The following MACROD2 variants were observed in gnomAD, a reference collection of about 807,000 sequenced individuals.
MACROD2 encodes mono-ADP ribosylhydrolase 2.
Under a neutral mutation model 70.4 loss-of-function variants are expected in MACROD2, and 36 were observed. That is an observed-to-expected ratio of 0.51 (90% CI 0.39 to 0.68). The LOEUF (loss-of-function observed/expected upper bound fraction) is 0.68, where lower values mean the gene tolerates loss of function less well. MACROD2 is among the 30% of genes least tolerant of loss of function. The pLI is 0.00. For synonymous variants in MACROD2, 172 were observed against 178.8 expected (o/e 0.96, Z 0.30); for missense variants, 496 against 538.4 (o/e 0.92, Z 0.78).
At chr20:15,725,098 A>G (rs922786616) in intron 8 of MACROD2, among the ~76,000 whole-genome samples, 8 of 152,046 alleles carry the variant, frequency 5.3e-5, no homozygotes, top group African/African-American at 7.2e-5. Context: ...CAAACAAACA[A>G]CAACAAAAAA....
At chr20:15,365,819 C>G (rs1875205243) in intron 6 of MACROD2, among the ~76,000 whole-genome samples, 1 of 151,822 alleles carries the variant, frequency 6.6e-6, no homozygotes, top group African/African-American at 2.4e-5. Flanking sequence ...AAAATTTAAC[C>G]TGATTGCAGT....
intron 5 of MACROD2, among the ~76,000 whole-genome samples, chr20:14,993,264 A>G (rs904686044): frequency 6.9e-6 from 1 of 145,184 alleles, no homozygotes; most frequent in Non-Finnish European, 1.5e-5. Flanking sequence ...TGCTATGGTT[A>G]CTTTTTTTTT....
intron 3 of MACROD2, among the ~76,000 whole-genome samples, chr20:14,336,431 A>C (rs1289412125): frequency 1.3e-5 from 2 of 152,170 alleles, no homozygotes; most frequent in Non-Finnish European, 2.9e-5. Context: ...ACCTATATGC[A>C]ACCATTTTGT....
At chr20:15,747,441 C>T (rs1336589048) in intron 8 of MACROD2, among the ~76,000 whole-genome samples, 6 of 152,080 alleles carry the variant, frequency 3.9e-5, no homozygotes, top group African/African-American at 7.2e-5. Context: ...CAGGCAGTAT[C>T]GAGAGTCCTT....
rs73098225 is a variant in MACROD2, at chr20:15,523,131, C to T, written c.645+23284C>T. The stretch of plus-strand genomic sequence containing the variant: ...ACCAGCCATCTATGGCAGTCTCTGA[C>T]GAAGCCTTAAGCACCCTTTAAAGAG... On this transcript the variant is annotated intron_variant, in intron 8 of 17. Coordinates refer to ENST00000684519, the MANE Select transcript of MACROD2 (RefSeq NM_001351661.2). 2.9e-3 allele frequency among the ~76,000 whole-genome samples: 444 copies of T among 152,156 alleles called. 2 individuals carry two copies. The highest frequency in any genetic ancestry group is 4.8e-3 in the Admixed American group (74 of 15,260).
At chr20:15,255,976 T>A (rs1171606357) in intron 6 of MACROD2, among the ~76,000 whole-genome samples, 1 of 152,102 alleles carries the variant, frequency 6.6e-6, no homozygotes, top group Non-Finnish European at 1.5e-5. Flanking sequence ...GCTTGTGACA[T>A]CCATTTTTAA....
chr20:15,712,892 A>G (rs989310842), intron 8 of MACROD2, among the ~76,000 whole-genome samples: 1 of 152,200 alleles, frequency 6.6e-6, no homozygotes, highest in Non-Finnish European at 1.5e-5. Context: ...AGCCCTGGAG[A>G]GGCTGAATGA....
chr20:14,007,946 ATTATC>A (rs2052845509), intron 2 of MACROD2, among the ~76,000 whole-genome samples: 1 of 152,218 alleles, frequency 6.6e-6, no homozygotes, highest in Non-Finnish European at 1.5e-5. Context: ...AAATTATAAA[ATTATC>A]TTATACTCAA....
At chr20:15,272,263 A>G (rs561385518) in intron 6 of MACROD2, among the ~76,000 whole-genome samples, 1 of 152,332 alleles carries the variant, frequency 6.6e-6, no homozygotes, top group East Asian at 1.9e-4. Flanking sequence ...TTAGCATTTT[A>G]TGATTCTTTG....
chr20:14,508,025 A>G (rs624483), intron 4 of MACROD2, among the ~76,000 whole-genome samples: 27,614 of 152,172 alleles, frequency 0.18, 2,799 homozygotes, highest in South Asian at 0.36. Context: ...AAGCCTGGGA[A>G]AGAAGAGGCA....
intron 5 of MACROD2, among the ~76,000 whole-genome samples, chr20:14,722,281 T>C (rs1284539581): frequency 6.6e-6 from 1 of 152,184 alleles, no homozygotes; most frequent in Admixed American, 6.5e-5. Flanking sequence ...TGGGGAAATA[T>C]AGTCCACTCC....
chr20:14,856,456 G>A (rs1371693583), intron 5 of MACROD2, among the ~76,000 whole-genome samples: 6 of 152,024 alleles, frequency 3.9e-5, no homozygotes, highest in East Asian at 1.9e-4. Context: ...ACACAAACAC[G>A]CCCTATTGAA....
rs532071698 is a variant in MACROD2, at chr20:14,147,028, C to T, written c.271+61300C>T. Among the ~76,000 whole-genome samples, 7 of 152,182 alleles carry T rather than the reference C, an allele frequency of 4.6e-5. No individual in the cohort carries two copies. In the South Asian group the frequency reaches 1.5e-3, roughly 32 times the overall value. On this transcript the variant is annotated intron_variant, in intron 3 of 17. Coordinates refer to ENST00000684519, the MANE Select transcript of MACROD2 (RefSeq NM_001351661.2). ...GTGAGAGTATCTCCAGTCAGCTTTT[C>T]CTGTAGTATGGTGAGTGGTAAAAGG...
intron 15 of MACROD2, among the ~76,000 whole-genome samples, chr20:16,002,042 TTA>T (rs933156808): frequency 2.4e-3 from 208 of 86,010 alleles, no homozygotes; most frequent in African/African-American, 5.0e-3. Flanking sequence ...ATAATGTGTC[TTA>T]TATATATATA....
intron 2 of MACROD2, among the ~76,000 whole-genome samples, chr20:14,009,099 A>G (rs1454660180): frequency 6.6e-6 from 1 of 152,242 alleles, no homozygotes; most frequent in Non-Finnish European, 1.5e-5. Context: ...AATTGCAACA[A>G]AAGCAAAAAT....
chr20:15,954,016 CT>C (rs1200111802), intron 12 of MACROD2, among the ~76,000 whole-genome samples: 1 of 152,054 alleles, frequency 6.6e-6, no homozygotes, highest in African/African-American at 2.4e-5. Context: ...AGATAGCTGG[CT>C]TTAATGAGCC....
chr20:15,411,915 G>A (rs982167531), intron 6 of MACROD2, among the ~76,000 whole-genome samples: 3 of 152,206 alleles, frequency 2.0e-5, no homozygotes, highest in African/African-American at 7.2e-5. Context: ...AATCATGGGA[G>A]TGGGTGTTGG....
At chr20:15,564,250 G>A (rs560613300) in intron 8 of MACROD2, among the ~76,000 whole-genome samples, 3 of 152,160 alleles carry the variant, frequency 2.0e-5, no homozygotes, top group African/African-American at 7.2e-5. Flanking sequence ...AGGAACCTTC[G>A]CTCATTTTTG....
intron 6 of MACROD2, among the ~76,000 whole-genome samples, chr20:15,337,403 C>G (rs2078060275): frequency 6.6e-6 from 1 of 151,574 alleles, no homozygotes; most frequent in South Asian, 2.1e-4. Flanking sequence ...TAAATCAAAC[C>G]ATTTTTTTAC....
Sources: allele counts gnomAD v4.1 joint callset (sites outside exome capture counted in the v4.1 genomes callset), GRCh38; gene constraint gnomAD v4.1.1; transcripts MANE v1.5; gene names NCBI Gene and HGNC (gene_info 2026-07-23, HGNC 2026-07-21).